EDN1: variants seen among roughly 807,000 people sequenced by gnomAD.
EDN1 encodes the protein endothelin 1, also known as endothelin-1.
Under a neutral mutation model 21.7 loss-of-function variants are expected in EDN1, and 11 were observed. That is an observed-to-expected ratio of 0.51 (90% CI 0.32 to 0.84). EDN1 has a LOEUF of 0.84. Among genes scored for constraint, EDN1 ranks in the 40% least tolerant of loss-of-function variants. The probability of loss-of-function intolerance (pLI) is 0.03; values close to 1 mark genes in which losing one functional copy is unlikely to be tolerated. For missense variants in EDN1, 244 were observed against 262.3 expected, an observed-to-expected ratio of 0.93 and a Z score of 0.48; for synonymous variants, 85 against 90.6, an observed-to-expected ratio of 0.94 and a Z score of 0.35.
chr6:12,277,959 C>CGATAATCT, the EDN1 span, among the ~76,000 whole-genome samples: 2 of 152,048 alleles, frequency 1.3e-5, no homozygotes. Context: ...TTTTTGGACT[C>CGATAATCT]GATAATCTGG....
At chr6:12,234,395 T>C in the EDN1 span, among the ~76,000 whole-genome samples, 1 of 152,232 alleles carries the variant, frequency 6.6e-6, no homozygotes, top group Non-Finnish European at 1.5e-5. Flanking sequence ...AATCCCATGT[T>C]CCTGACACTA....
At chr6:12,234,953 G>C in the EDN1 span, among the ~76,000 whole-genome samples, 5 of 152,184 alleles carry the variant, frequency 3.3e-5, no homozygotes, top group African/African-American at 1.2e-4. Context: ...GACAATTACA[G>C]TGCTTCCTGA....
At chr6:12,248,737 G>C in the EDN1 span, among the ~76,000 whole-genome samples, 4 of 152,160 alleles carry the variant, frequency 2.6e-5, no homozygotes, top group Non-Finnish European at 4.4e-5. Flanking sequence ...GATTAAGGCT[G>C]GTGACATTCT....
At chr6:12,244,948 C>A in the EDN1 span, among the ~76,000 whole-genome samples, 1 of 152,164 alleles carries the variant, frequency 6.6e-6, no homozygotes, top group South Asian at 2.1e-4. Flanking sequence ...TCTACCCTAT[C>A]AGGAACAAAT....
chr6:12,254,269 G>T, the EDN1 span, among the ~76,000 whole-genome samples: 1 of 152,098 alleles, frequency 6.6e-6, no homozygotes, highest in Non-Finnish European at 1.5e-5. Flanking sequence ...CACCTTGAGG[G>T]TGTTTCCCTC....
the EDN1 span, among the ~76,000 whole-genome samples, chr6:12,255,633 T>G: frequency 1.3e-5 from 2 of 152,252 alleles, no homozygotes; most frequent in Non-Finnish European, 2.9e-5. Context: ...GACAAATGTC[T>G]GCTTCAACTG....
At chr6:12,265,174 T>C in the EDN1 span, among the ~76,000 whole-genome samples, 1 of 152,202 alleles carries the variant, frequency 6.6e-6, no homozygotes, top group African/African-American at 2.4e-5. Context: ...GTCTTGTTGT[T>C]AGCTTTGACA....
At chr6:12,278,416 A>G in the EDN1 span, among the ~76,000 whole-genome samples, 2 of 152,154 alleles carry the variant, frequency 1.3e-5, no homozygotes, top group African/African-American at 2.4e-5. Flanking sequence ...ATATAATCCT[A>G]TTGGTTTCTG....
At chr6:12,243,146 C>T in the EDN1 span, among the ~76,000 whole-genome samples, 4 of 152,018 alleles carry the variant, frequency 2.6e-5, no homozygotes, top group Non-Finnish European at 5.9e-5. Flanking sequence ...GTATTATATA[C>T]TGTATTCTTA....
chr6:12,252,123 T>A, the EDN1 span, among the ~76,000 whole-genome samples: 1 of 152,228 alleles, frequency 6.6e-6, no homozygotes, highest in East Asian at 1.9e-4. Context: ...TCTGCATTTA[T>A]ATTAGGCCAA....
the EDN1 span, among the ~76,000 whole-genome samples, chr6:12,263,744 CTG>C: frequency 6.6e-6 from 1 of 152,080 alleles, no homozygotes; most frequent in Non-Finnish European, 1.5e-5. Context: ...CATTTCTCTC[CTG>C]TGTTTTCTTT....
chr6:12,288,511 A>G (rs1258353109), upstream of EDN1, among the ~76,000 whole-genome samples: 1 of 123,202 alleles, frequency 8.1e-6, no homozygotes, highest in African/African-American at 4.5e-5. Context: ...CGCACAGCGG[A>G]GGCCAGGGGC....
At chr6:12,288,065 C>G (rs935934365), upstream of EDN1, among the ~76,000 whole-genome samples, 1 of 152,006 alleles carries the variant, frequency 6.6e-6, no homozygotes, top group Non-Finnish European at 1.5e-5. Flanking sequence ...GCAGGGGCAG[C>G]CTCAGCAAGG....
chr6:12,257,501 C>T, the EDN1 span, among the ~76,000 whole-genome samples: 1 of 152,028 alleles, frequency 6.6e-6, no homozygotes, highest in African/African-American at 2.4e-5. Context: ...TACAAGCTAA[C>T]AAAATAATGA....
chr6:12,276,043 T>G, the EDN1 span, among the ~76,000 whole-genome samples: 4 of 151,138 alleles, frequency 2.6e-5, no homozygotes, highest in African/African-American at 9.7e-5. Context: ...GTGCCTGTAG[T>G]CCCAGCTACT....
At chr6:12,286,834 C>T (rs936641360), upstream of EDN1, among the ~76,000 whole-genome samples, 1 of 152,150 alleles carries the variant, frequency 6.6e-6, no homozygotes, top group African/African-American at 2.4e-5. Context: ...CAAGAATAGG[C>T]CAGGAGTGGT....
upstream of EDN1, among the ~76,000 whole-genome samples, chr6:12,286,264 G>T (rs1042641111): frequency 2.6e-5 from 4 of 152,338 alleles, no homozygotes; most frequent in East Asian, 7.7e-4. Context: ...TGCATATGTT[G>T]TATGTTTTTA....
At chr6:12,255,633 T>C in the EDN1 span, among the ~76,000 whole-genome samples, 1 of 152,252 alleles carries the variant, frequency 6.6e-6, no homozygotes, top group South Asian at 2.1e-4. Flanking sequence ...GACAAATGTC[T>C]GCTTCAACTG....
At chr6:12,245,077 T>A in the EDN1 span, among the ~76,000 whole-genome samples, 1 of 152,194 alleles carries the variant, frequency 6.6e-6, no homozygotes, top group Non-Finnish European at 1.5e-5. Context: ...AAATGTCTTT[T>A]AAAAAATTCT....
Sources: gnomAD v4.1 joint callset for allele counts (sites outside exome capture counted in the v4.1 genomes callset) on GRCh38, gnomAD v4.1.1 for gene constraint, MANE v1.5 for transcripts, NCBI Gene and HGNC (gene_info 2026-07-23, HGNC 2026-07-21) for gene names.